Variants in MTURN observed in about 807,000 individuals in gnomAD.
The protein encoded by MTURN is maturin, neural progenitor differentiation regulator homolog.
In MTURN, 7 loss-of-function variants were observed where a neutral mutation model predicts 14.9. The ratio of observed to expected loss-of-function variants is 0.47; its 90% CI spans 0.27 to 0.88. The LOEUF (loss-of-function observed/expected upper bound fraction) is 0.88, where lower values mean the gene tolerates loss of function less well. Ranked by LOEUF, MTURN falls within the 40% of genes least tolerant of loss-of-function variation. The pLI is 0.14. For missense variants in MTURN, 151 were observed against 174.1 expected (o/e 0.87, Z 0.75); for synonymous variants, 69 against 72.5 (o/e 0.95, Z 0.25).
At chr7:30,149,155 A>G (rs1471433638) in intron 2 of MTURN, among the ~76,000 whole-genome samples, 1 of 152,246 alleles carries the variant, frequency 6.6e-6, no homozygotes, top group East Asian at 1.9e-4. Context: ...AAATGAGGAA[A>G]CAAATGCGGT....
intron 1 of MTURN, chr7:30,140,944 CAT>C (rs1328430218): frequency 2.6e-5 from 4 of 152,222 alleles, no homozygotes; most frequent in Non-Finnish European, 5.9e-5. Flanking sequence ...TCCGGTTAAA[CAT>C]TGCGCACAGA....
chr7:30,151,374 A>G (rs112745052), intron 2 of MTURN, among the ~76,000 whole-genome samples: 2,647 of 152,296 alleles, frequency 0.017, 71 homozygotes, highest in African/African-American at 0.06. Context: ...CTCCATTGAC[A>G]GTTGCTGGTC....
At chr7:30,141,301 G>A (rs112485873) in intron 1 of MTURN, 5,119 of 151,568 alleles carry the variant, frequency 0.034, 239 homozygotes, top group East Asian at 0.12. Context: ...TGTAATCCCA[G>A]CTACTTGGGA....
intron 2 of MTURN, among the ~76,000 whole-genome samples, chr7:30,153,149 C>T (rs181652535): frequency 6.6e-6 from 1 of 152,270 alleles, no homozygotes; most frequent in East Asian, 1.9e-4. Context: ...AGCCAGGGCT[C>T]CAGAATTCTT....
chr7:30,148,774 C>T (rs1357096924), intron 2 of MTURN, among the ~76,000 whole-genome samples: 1 of 74,920 alleles, frequency 1.3e-5, no homozygotes, highest in African/African-American at 4.9e-5. Flanking sequence ...GCTGCGGGGG[C>T]GGGTGGTGGG....
chr7:30,158,257 AATATAG>A lies in MTURN; in HGVS notation c.*712_*717del, dbSNP rs1453692146. 2 of 152,506 alleles carry A rather than the reference AATATAG, an allele frequency of 1.3e-5. No individual in the cohort carries two copies. Among genetic ancestry groups the A allele is most frequent in the African/African-American group, 4.8e-5 (2 of 41,454 alleles). The allele number at this position is 152,506 out of a possible 1,614,324, so 9.4% of individuals were successfully genotyped here. A position where few individuals can be genotyped will look rare whatever the true frequency, so the allele number is the denominator to read the frequency against. On this transcript the variant is annotated 3_prime_UTR_variant, in exon 3 of 3. Coordinates refer to ENST00000324453, the MANE Select transcript of MTURN (RefSeq NM_152793.3). ...GCCACTTTTGAAGTCTATAGTGGAA[AATATAG>A]ATGGGGTGAAAGATATAATGTATTG...
rs1797367787 is a variant in MTURN, at chr7:30,161,107, G to T, written c.*3559G>T. 6.6e-6 allele frequency: 1 copy of T among 152,660 alleles called. No homozygotes were observed. The highest frequency in any genetic ancestry group is 1.5e-5 in the Non-Finnish European group (1 of 68,050). The allele number at this position is 152,660 out of a possible 1,614,324, so 9.5% of individuals were successfully genotyped here. A position where few individuals can be genotyped will look rare whatever the true frequency, so the allele number is the denominator to read the frequency against. ...TGTACATGGACCTAGGGGAGCTGTG[G>T]TCCCAAGTGTCATTGGAATTTATAT... On this transcript the variant is annotated 3_prime_UTR_variant, in exon 3 of 3. Transcript: ENST00000324453.
chr7:30,152,173 A>G (rs953392752), intron 2 of MTURN, among the ~76,000 whole-genome samples: 2 of 145,666 alleles, frequency 1.4e-5, no homozygotes, highest in Non-Finnish European at 3.0e-5. Flanking sequence ...TTTCTCATTC[A>G]TGTTATGAAC....
intron 2 of MTURN, among the ~76,000 whole-genome samples, chr7:30,154,001 A>G (rs976344449): frequency 9.2e-5 from 14 of 152,230 alleles, no homozygotes; most frequent in Admixed American, 7.8e-4. Flanking sequence ...TACAGATGTG[A>G]GCCACCGTGC....
rs757140337 is a variant in MTURN, at chr7:30,135,298, T to C, written c.162T>C (p.Phe54=). 23 of 1,519,592 alleles carry C rather than the reference T, an allele frequency of 1.5e-5. No homozygotes were observed. In the South Asian group the frequency reaches 2.5e-4, roughly 17 times the overall value. 94.1% of individuals were successfully genotyped at this position (1,519,592 alleles called of 1,614,324 possible). A position where few individuals can be genotyped will look rare whatever the true frequency, so the allele number is the denominator to read the frequency against. The change falls in exon 1 of 3, where the codon TTT becomes TTC. Residue 54 remains phenylalanine, a splice_region_variant and synonymous_variant. Transcript: ENST00000324453. The stretch of plus-strand genomic sequence containing the variant: ...CGGACAACGGCTGCGGCGACAATTT[T>C]GTGAGTGCCTGGAGGAGGGACCGCC... ...LCPDNGCGDN[F]HVWSESEDCL...
intron 2 of MTURN, among the ~76,000 whole-genome samples, chr7:30,148,072 T>A (rs1466157639): frequency 6.6e-6 from 1 of 152,148 alleles, no homozygotes; most frequent in African/African-American, 2.4e-5. Context: ...ACACACGTAA[T>A]GTCGTGAAAT....
At chr7:30,145,714 C>T (rs894821750) in intron 1 of MTURN, 8 of 1,036,270 alleles carry the variant, frequency 7.7e-6, no homozygotes, top group Admixed American at 3.3e-5. Flanking sequence ...ACTCACAGGC[C>T]GATCTGGGTA....
intron 1 of MTURN, chr7:30,145,731 G>T (rs1797119201): frequency 8.3e-7 from 1 of 1,197,928 alleles, no homozygotes; most frequent in Non-Finnish European, 1.1e-6. Context: ...GGTAAAGAAT[G>T]TCTTGTTCCA....
chr7:30,155,272 T>TTA (rs1459571797), intron 2 of MTURN, among the ~76,000 whole-genome samples: 1 of 152,106 alleles, frequency 6.6e-6, no homozygotes, highest in Admixed American at 6.5e-5. Flanking sequence ...CAATGAACAA[T>TTA]TATATATATT....
intron 1 of MTURN, among the ~76,000 whole-genome samples, chr7:30,138,012 T>C (rs1583501489): frequency 6.6e-6 from 1 of 152,202 alleles, no homozygotes; most frequent in East Asian, 1.9e-4. Context: ...TGTGGTGTGG[T>C]GGTTAAGCAC....
At position 30,157,592 on chromosome 7, in the gene MTURN, C is replaced by A; in HGVS notation, c.*44C>A. On this transcript the variant is annotated 3_prime_UTR_variant, in exon 3 of 3. Coordinates refer to ENST00000324453, the MANE Select transcript of MTURN (RefSeq NM_152793.3). ...GAAGGAGAGTGAGCCCCACAGTAAC[C>A]TAGGTGGGGTCACTGCCCCTCCTGG... 6.8e-7 allele frequency: 1 copy of A among 1,464,212 alleles called. No individual in the cohort carries two copies. Among genetic ancestry groups the A allele is most frequent in the South Asian group, 1.3e-5 (1 of 76,728 alleles). 90.7% of individuals were successfully genotyped at this position (1,464,212 alleles called of 1,614,324 possible). A position where few individuals can be genotyped will look rare whatever the true frequency, so the allele number is the denominator to read the frequency against.
chr7:30,149,947 GCTTGTCAT>G (rs748492679), intron 2 of MTURN, among the ~76,000 whole-genome samples: 1 of 152,166 alleles, frequency 6.6e-6, no homozygotes, highest in Non-Finnish European at 1.5e-5. Context: ...GCAGGGGGTT[GCTTGTCAT>G]CTCTTAACCC....
chr7:30,142,878 G>A (rs765306679), intron 1 of MTURN, among the ~76,000 whole-genome samples: 6 of 152,208 alleles, frequency 3.9e-5, no homozygotes, highest in Non-Finnish European at 7.3e-5. Context: ...ATTGTTCAGC[G>A]CTAGAGGTTC....
chr7:30,154,241 A>C lies in MTURN; in HGVS notation c.286-3197A>C, dbSNP rs113598801. 9.1e-3 allele frequency among the ~76,000 whole-genome samples: 1,376 copies of C among 152,018 alleles called. 14 individuals are homozygous for C. Among genetic ancestry groups the C allele is most frequent in the African/African-American group, 0.031 (1,304 of 41,428 alleles). ...GGTGGTGGGCTGGGCAGGAAAACCA[A>C]CCTCCTGCAATCAGTGTGCAGTGTA... is the stretch of plus-strand genomic sequence containing the variant. On this transcript the variant is annotated intron_variant, in intron 2 of 2. Transcript: ENST00000324453.
Sources: gnomAD v4.1 joint callset for allele counts (sites outside exome capture counted in the v4.1 genomes callset) on GRCh38, gnomAD v4.1.1 for gene constraint, MANE v1.5 for transcripts, NCBI Gene and HGNC (gene_info 2026-07-23, HGNC 2026-07-21) for gene names.